CCSER2: variants seen among roughly 807,000 people sequenced by gnomAD.
CCSER2 encodes coiled-coil serine rich protein 2.
CCSER2 carries 46 observed loss-of-function variants against 92.3 expected under a neutral mutation model. The ratio of observed to expected loss-of-function variants is 0.50; its 90% CI spans 0.39 to 0.64. The LOEUF is 0.64. Ranked by LOEUF, CCSER2 falls within the 30% of genes least tolerant of loss-of-function variation. The pLI, the probability that CCSER2 is intolerant of heterozygous loss-of-function variation, is 0.00. For missense variants in CCSER2, 1,244 were observed against 1,238.9 expected (o/e 1.00, Z -0.06); for synonymous variants, 433 against 431.4 (o/e 1.00, Z -0.04).
chr10:84,430,045 G>T (rs1025352775), intron 5 of CCSER2, among the ~76,000 whole-genome samples: 11 of 152,000 alleles, frequency 7.2e-5, no homozygotes, highest in African/African-American at 2.4e-4. Flanking sequence ...TTAGTGGTCA[G>T]CTAATGGTTG....
chr10:84,469,125 A>T (rs964324124), intron 7 of CCSER2, among the ~76,000 whole-genome samples: 2 of 152,174 alleles, frequency 1.3e-5, no homozygotes, highest in Non-Finnish European at 2.9e-5. Flanking sequence ...TGCATGGATT[A>T]TCAATAGCTT....
At chr10:84,500,217 C>G (rs1848653865) in intron 9 of CCSER2, among the ~76,000 whole-genome samples, 1 of 152,190 alleles carries the variant, frequency 6.6e-6, no homozygotes, top group South Asian at 2.1e-4. Flanking sequence ...GCCAGTGACC[C>G]TAGACCTACT....
intron 2 of CCSER2, among the ~76,000 whole-genome samples, 193 bp from the exon 3 acceptor site, chr10:84,373,418 TAGAAAATA>T (rs1846170833): frequency 1.3e-5 from 2 of 152,120 alleles, no homozygotes; most frequent in African/African-American, 2.4e-5. Context: ...TTTCCTCTAT[TAGAAAATA>T]TTTCAGTAGG....
Position 84,441,734 on chromosome 10 carries a change from A to ATTTTTT in CCSER2, c.2064+3028_2064+3029insTTTTTT, listed in dbSNP as rs1564667385. Among the ~76,000 whole-genome samples the ATTTTTT allele has an allele frequency of 2.0e-3, 212 of 106,446 alleles. 18 individuals carry two copies. Among genetic ancestry groups the ATTTTTT allele is most frequent in the Non-Finnish European group, 3.1e-3 (167 of 54,116 alleles). 69.8% of individuals were successfully genotyped at this position (106,446 alleles called of 152,430 possible). A position where few individuals can be genotyped will look rare whatever the true frequency, so the allele number is the denominator to read the frequency against. On this transcript the variant is annotated intron_variant, in intron 6 of 9. Transcript: ENST00000372088. The stretch of plus-strand genomic sequence containing the variant: ...GGGAATAAAGTAGAAGACTGGGAAA[A>ATTTTTT]TGTTTTTTTTTTTTTTTTTTTTTTT...
chr10:84,502,412 C>T (rs1341571040), intron 9 of CCSER2, among the ~76,000 whole-genome samples: 1 of 141,072 alleles, frequency 7.1e-6, no homozygotes, highest in African/African-American at 2.6e-5. Context: ...TGCTCTGTTG[C>T]CCAGGCTGGA....
Position 84,514,069 on chromosome 10 carries a change from C to T in CCSER2, c.2946C>T (p.Arg982=). 1.4e-5 allele frequency: 22 copies of T among 1,536,164 alleles called. No individual in the cohort carries two copies. Among genetic ancestry groups the T allele is most frequent in the Non-Finnish European group, 1.8e-5 (21 of 1,146,898 alleles). Residue 982 remains arginine (R), a synonymous_variant, in exon 10 of 10, where the codon CGC becomes CGT. Coordinates refer to ENST00000372088, the MANE Select transcript of CCSER2 (RefSeq NM_001284240.2). The stretch of plus-strand genomic sequence containing the variant: ...AGAATCTGAAAGCATCTAAGCTCCG[C>T]CCCCCCTCAGGCTCTTTCAAACAAA... ...NNQNLKASKL[R]PPSGSFKQKQ... is the part of the protein sequence containing the mutation.
chr10:84,451,657 C>T (rs1252933667), intron 6 of CCSER2, among the ~76,000 whole-genome samples: 2 of 151,840 alleles, frequency 1.3e-5, no homozygotes, highest in South Asian at 2.1e-4. Context: ...TATGTACAGA[C>T]GTAACAGATA....
intron 9 of CCSER2, among the ~76,000 whole-genome samples, chr10:84,511,723 A>G (rs949250981): frequency 3.3e-5 from 5 of 151,868 alleles, no homozygotes; most frequent in African/African-American, 7.3e-5. Flanking sequence ...GTCCTGCTCT[A>G]TTTTTTCACT....
chr10:84,463,712 A>G (rs1846232713), intron 6 of CCSER2, among the ~76,000 whole-genome samples: 1 of 152,158 alleles, frequency 6.6e-6, no homozygotes, highest in East Asian at 1.9e-4. Flanking sequence ...ACTTCCACAG[A>G]TTATTCTTGC....
chr10:84,469,350 A>G (rs1846640199), intron 7 of CCSER2, among the ~76,000 whole-genome samples: 1 of 152,070 alleles, frequency 6.6e-6, no homozygotes, highest in Admixed American at 6.5e-5. Context: ...TATCTTTTGT[A>G]TGTAATAAAG....
intron 3 of CCSER2, among the ~76,000 whole-genome samples, chr10:84,415,887 C>T (rs1472245097): frequency 6.6e-6 from 1 of 152,154 alleles, no homozygotes; most frequent in East Asian, 1.9e-4. Flanking sequence ...GTGTAAGGTG[C>T]CGTGCAAGTG....
rs1849591210 is a variant in CCSER2 at position 84,516,147 on chromosome 10, CT to C, written c.*1884del. On this transcript the variant is annotated 3_prime_UTR_variant, in exon 10 of 10. Transcript: ENST00000372088. ...CTTTATAAGAAAAACAACAGCAAGT[CT>C]TTTAGTAGAAATTTGAAAGAAGTGT... 2 of 152,146 alleles carry C rather than the reference CT, an allele frequency of 1.3e-5. No individual in the cohort carries two copies. The highest frequency in any genetic ancestry group is 2.4e-5 in the African/African-American group (1 of 41,420). The allele number at this position is 152,146 out of a possible 1,614,324, so 9.4% of individuals were successfully genotyped here.
intron 1 of CCSER2, among the ~76,000 whole-genome samples, chr10:84,369,883 C>T (rs1250459548): frequency 6.6e-6 from 1 of 152,062 alleles, no homozygotes; most frequent in Admixed American, 6.6e-5. Context: ...TCCAGTTTTC[C>T]TGGCAACATT....
Position 84,416,885 on chromosome 10 carries a change from C to G in CCSER2, c.1615-886C>G, listed in dbSNP as rs10430707. Among the ~76,000 whole-genome samples the G allele has an allele frequency of 2.0e-5, 3 of 152,112 alleles. No homozygotes were observed. In the East Asian group the frequency reaches 5.8e-4, roughly 30 times the overall value. On this transcript the variant is annotated intron_variant, in intron 3 of 9. Coordinates refer to ENST00000372088, the MANE Select transcript of CCSER2 (RefSeq NM_001284240.2). ...GGCGGAGCTTGCAGTGAGCCGAGAT[C>G]GCGCCATTGCACTCCAGCCTGGGTG...
intron 2 of CCSER2, among the ~76,000 whole-genome samples, chr10:84,373,101 A>G (rs1389470697): frequency 6.6e-6 from 1 of 152,134 alleles, no homozygotes; most frequent in African/African-American, 2.4e-5. Context: ...AAGAACAACT[A>G]AAGGGATTAG....
intron 4 of CCSER2, among the ~76,000 whole-genome samples, chr10:84,419,356 A>C (rs1843024722): frequency 9.7e-6 from 1 of 102,648 alleles, no homozygotes; most frequent in Non-Finnish European, 2.3e-5. Flanking sequence ...CTCCCTTCTC[A>C]AAAAAAAAAA....
chr10:84,371,392 T>C lies in CCSER2; in HGVS notation c.340T>C (p.Leu114=), dbSNP rs1474725313. Residue 114 remains leucine, a synonymous_variant, in exon 2 of 10, where the codon TTG becomes CTG. Coordinates refer to ENST00000372088, the MANE Select transcript of CCSER2 (RefSeq NM_001284240.2). ...MFDKNGIKGG[L]KSVSLFTSKL... ...TGATAAAAATGGGATAAAGGGAGGT[T>C]TGAAAAGTGTTTCTTTATTCACATC... 1 of 1,613,412 alleles carries C rather than the reference T, an allele frequency of 6.2e-7. No homozygotes were observed. Among genetic ancestry groups the C allele is most frequent in the Non-Finnish European group, 8.5e-7 (1 of 1,179,772 alleles).
chr10:84,377,093 T>G (rs950440563), intron 3 of CCSER2, among the ~76,000 whole-genome samples: 2 of 152,170 alleles, frequency 1.3e-5, no homozygotes, highest in Non-Finnish European at 2.9e-5. Context: ...TTTGTATTCA[T>G]GTGTATATTT....
At chr10:84,486,144 T>A (rs1450108911) in intron 9 of CCSER2, among the ~76,000 whole-genome samples, 5 of 152,316 alleles carry the variant, frequency 3.3e-5, no homozygotes, top group Non-Finnish European at 7.3e-5. Context: ...AGTCTATCAT[T>A]GATGGACATT....
Sources: gnomAD v4.1 joint callset for allele counts (sites outside exome capture counted in the v4.1 genomes callset) on GRCh38, gnomAD v4.1.1 for gene constraint, MANE v1.5 for transcripts, NCBI Gene and HGNC (gene_info 2026-07-23, HGNC 2026-07-21) for gene names.